Variants in ARHGAP18 observed in about 807,000 individuals in gnomAD.
ARHGAP18 encodes the protein Rho GTPase activating protein 18.
In ARHGAP18, 67 loss-of-function variants were observed where a neutral mutation model predicts 86.2. That is an observed-to-expected ratio of 0.78 (90% CI 0.64 to 0.95). The LOEUF is 0.95. Ranked by LOEUF, ARHGAP18 falls within the 40% of genes least tolerant of loss-of-function variation. The probability of loss-of-function intolerance (pLI) is 0.00; values close to 1 mark genes in which losing one functional copy is unlikely to be tolerated. For synonymous variants in ARHGAP18, 283 were observed against 280.4 expected, an observed-to-expected ratio of 1.01 and a Z score of -0.09; for missense variants, 691 against 780.4, an observed-to-expected ratio of 0.89 and a Z score of 1.37.
intron 10 of ARHGAP18, among the ~76,000 whole-genome samples, chr6:129,604,207 C>A (rs1169892227): frequency 6.7e-6 from 1 of 149,832 alleles, no homozygotes; most frequent in Non-Finnish European, 1.5e-5. Flanking sequence ...AGTACTCCCC[C>A]CCCCCTTAAT....
intron 12 of ARHGAP18, among the ~76,000 whole-genome samples, chr6:129,597,577 GA>G (rs1214498493): frequency 2.6e-5 from 4 of 152,030 alleles, no homozygotes; most frequent in Non-Finnish European, 4.4e-5. Context: ...ACATACCTCT[GA>G]GCTACATCCC....
chr6:129,669,172 C>CTTTT (rs760713815), intron 1 of ARHGAP18, among the ~76,000 whole-genome samples: 2 of 144,962 alleles, frequency 1.4e-5, no homozygotes, highest in Admixed American at 6.8e-5. Flanking sequence ...CTAACACGCA[C>CTTTT]TTTTTTTTTT....
At chr6:129,614,616 A>C (rs938535126) in intron 7 of ARHGAP18, among the ~76,000 whole-genome samples, 1 of 152,204 alleles carries the variant, frequency 6.6e-6, no homozygotes, top group African/African-American at 2.4e-5. Context: ...ATCACGTGGC[A>C]TCACTGAACC....
intron 12 of ARHGAP18, among the ~76,000 whole-genome samples, chr6:129,588,686 G>A (rs923812343): frequency 6.6e-6 from 1 of 152,226 alleles, no homozygotes; most frequent in African/African-American, 2.4e-5. Context: ...CAGTGTCCCA[G>A]TGGGGACTCT....
At chr6:129,658,069 G>A (rs766281775) in intron 1 of ARHGAP18, among the ~76,000 whole-genome samples, 141 of 152,280 alleles carry the variant, frequency 9.3e-4, no homozygotes, top group Non-Finnish European at 1.6e-3. Flanking sequence ...AACTACTACT[G>A]GAAGAGAGAA....
chr6:129,687,072 A>G (rs1204121371), intron 1 of ARHGAP18, among the ~76,000 whole-genome samples: 1 of 146,720 alleles, frequency 6.8e-6, no homozygotes, highest in Admixed American at 6.9e-5. Context: ...TATTCACACA[A>G]CTCAGCCTCC....
intron 12 of ARHGAP18, among the ~76,000 whole-genome samples, chr6:129,595,318 G>T (rs1164319168): frequency 2.0e-5 from 3 of 152,108 alleles, no homozygotes; most frequent in African/African-American, 2.4e-5. Flanking sequence ...CACTTTCATG[G>T]TATTTCGCTG....
At chr6:129,678,899 T>C (rs1212573337) in intron 1 of ARHGAP18, among the ~76,000 whole-genome samples, 1 of 152,212 alleles carries the variant, frequency 6.6e-6, no homozygotes, top group East Asian at 1.9e-4. Context: ...CTATCTTAGG[T>C]ACAAAATTCA....
intron 10 of ARHGAP18, among the ~76,000 whole-genome samples, chr6:129,603,182 T>C (rs963135389): frequency 6.6e-6 from 1 of 152,076 alleles, no homozygotes; most frequent in Non-Finnish European, 1.5e-5. Context: ...GTCCAGTGTA[T>C]CATTCTTATG....
intron 1 of ARHGAP18, among the ~76,000 whole-genome samples, chr6:129,690,981 C>G (rs1194804025): frequency 6.6e-6 from 1 of 152,092 alleles, no homozygotes; most frequent in East Asian, 1.9e-4. Context: ...CAAAATCACC[C>G]CATAACAATT....
At chr6:129,691,916 G>A (rs997369359) in intron 1 of ARHGAP18, among the ~76,000 whole-genome samples, 13 of 152,164 alleles carry the variant, frequency 8.5e-5, no homozygotes, top group African/African-American at 3.1e-4. Flanking sequence ...GTCCTTGGCT[G>A]TTCTTGCAAG....
chr6:129,710,064 C>T lies in ARHGAP18; in HGVS notation c.73G>A (p.Gly25Arg), dbSNP rs373799018. Residue 25 changes from glycine to arginine, a missense_variant, in exon 1 of 15, where the codon GGG becomes AGG. Transcript: ENST00000368149. Reference protein sequence around the residue: ...YHPSGKDQTVGNSHAKAGEEA... With the variant: ...YHPSGKDQTVRNSHAKAGEEA... ...TCCCCTGCCTTTGCATGGCTGTTCC[C>T]GACGGTCTGGTCCTTGCCGCTGGGG... 2 of 1,614,102 alleles carry T rather than the reference C, an allele frequency of 1.2e-6. No homozygotes were observed. The highest frequency in any genetic ancestry group is 1.7e-6 in the Non-Finnish European group (2 of 1,179,952).
chr6:129,609,841 C>G (rs769142653), intron 8 of ARHGAP18, among the ~76,000 whole-genome samples: 2 of 151,928 alleles, frequency 1.3e-5, no homozygotes, highest in Non-Finnish European at 2.9e-5. Context: ...GTAGTAAGAG[C>G]CAAGGAGGCC....
chr6:129,617,673 T>C (rs1017738207), intron 6 of ARHGAP18, among the ~76,000 whole-genome samples: 3 of 152,162 alleles, frequency 2.0e-5, no homozygotes, highest in African/African-American at 4.8e-5. Flanking sequence ...TTAAAAATCT[T>C]GGGCACTGAA....
chr6:129,586,684 G>A (rs944715250), intron 12 of ARHGAP18, among the ~76,000 whole-genome samples: 1 of 152,126 alleles, frequency 6.6e-6, no homozygotes, highest in African/African-American at 2.4e-5. Context: ...TAATAAATGA[G>A]TTGCAAAACC....
At chr6:129,591,418 A>T (rs1015761130) in intron 12 of ARHGAP18, among the ~76,000 whole-genome samples, 1 of 152,158 alleles carries the variant, frequency 6.6e-6, no homozygotes, top group Non-Finnish European at 1.5e-5. Context: ...GCAGTATTTG[A>T]CTAACACTCC....
intron 1 of ARHGAP18, among the ~76,000 whole-genome samples, chr6:129,668,481 A>G (rs4379317): frequency 0.46 from 69,546 of 151,636 alleles, 16,060 homozygotes; most frequent in Middle Eastern, 0.55. Flanking sequence ...TTTCTAAACC[A>G]TAAGTCAGTC....
intron 13 of ARHGAP18, among the ~76,000 whole-genome samples, chr6:129,583,653 A>T (rs1161186150): frequency 2.0e-5 from 3 of 152,200 alleles, no homozygotes; most frequent in Non-Finnish European, 4.4e-5. Context: ...GCCTACAAAC[A>T]GTAATTAACC....
At chr6:129,680,959 G>T (rs1336213727) in intron 1 of ARHGAP18, among the ~76,000 whole-genome samples, 1 of 152,164 alleles carries the variant, frequency 6.6e-6, no homozygotes, top group Non-Finnish European at 1.5e-5. Flanking sequence ...CCTTTGAGTA[G>T]AACTGTAACA....
Sources: gnomAD v4.1 joint callset for allele counts (sites outside exome capture counted in the v4.1 genomes callset) on GRCh38, gnomAD v4.1.1 for gene constraint, MANE v1.5 for transcripts, NCBI Gene and HGNC (gene_info 2026-07-23, HGNC 2026-07-21) for gene names.